Variants in CGNL1 observed in about 807,000 individuals in gnomAD.
The protein encoded by CGNL1 is cingulin like 1.
Under a neutral mutation model 141.2 loss-of-function variants are expected in CGNL1, and 132 were observed. The observed-to-expected ratio is 0.93, with a 90% confidence interval of 0.81 to 1.08. CGNL1 has a LOEUF of 1.08. Ranked by LOEUF, CGNL1 falls within the 50% of genes least tolerant of loss-of-function variation. The pLI is 0.00. For missense variants in CGNL1, 1,870 were observed against 1,588.6 expected (o/e 1.18, Z -3.01); for synonymous variants, 690 against 622.1 (o/e 1.11, Z -1.63).
At chr15:57,474,548 G>A (rs1270958506) in intron 8 of CGNL1, among the ~76,000 whole-genome samples, 2 of 152,176 alleles carry the variant, frequency 1.3e-5, no homozygotes, top group African/African-American at 4.8e-5. Flanking sequence ...ATCAGAATGT[G>A]TAGAGGTAAA....
chr15:57,438,613 T>C lies in CGNL1; in HGVS notation c.614T>C (p.Leu205Ser), dbSNP rs746057292. 44 of 1,613,848 alleles carry C rather than the reference T, an allele frequency of 2.7e-5. No individual in the cohort carries two copies. The highest frequency in any genetic ancestry group is 3.6e-5 in the Non-Finnish European group (42 of 1,180,044). ...PSNSQPTSPS[L>S]EDPAKSGVTA... ...AATTCCCAGCCTACCAGTCCCTCCTTGGAAGACCCGGCCAAATCTGGTGTG... is the reference window on the plus strand; with the variant it reads ...AATTCCCAGCCTACCAGTCCCTCCTCGGAAGACCCGGCCAAATCTGGTGTG... The change falls in exon 2 of 19, where the codon TTG becomes TCG. Residue 205 changes from leucine to serine, a missense_variant. By Grantham distance (145) the Leu-to-Ser change is moderately radical. Transcript: ENST00000281282.
rs2140273964 is a variant in CGNL1, at chr15:57,549,727, G to A, written c.*2237G>A. The A allele has an allele frequency of 6.6e-6, 1 of 152,344 alleles. No individual in the cohort carries two copies. The highest frequency in any genetic ancestry group is 3.4e-3 in the Middle Eastern group (1 of 294). 9.4% of individuals were successfully genotyped at this position (152,344 alleles called of 1,614,324 possible). ...GGAGCTCAGTGTCAGGAAAGGGGGT[G>A]ATAAATGACAATCAAATCGACATGG... On this transcript the variant is annotated 3_prime_UTR_variant, in exon 19 of 19. Transcript: ENST00000281282.
intron 15 of CGNL1, 100 bp from the exon 16 acceptor site, chr15:57,544,373 A>G: frequency 1.4e-6 from 2 of 1,434,528 alleles, no homozygotes; most frequent in South Asian, 2.7e-5. Flanking sequence ...GCCTCATCGC[A>G]TGCAGCGACC....
intron 8 of CGNL1, among the ~76,000 whole-genome samples, chr15:57,479,256 A>T (rs1279479259): frequency 6.6e-6 from 1 of 152,156 alleles, no homozygotes; most frequent in Admixed American, 6.5e-5. Flanking sequence ...GGAGGATGGG[A>T]GTGAAAAACA....
At chr15:57,458,939 A>T (rs1595725980) in intron 7 of CGNL1, among the ~76,000 whole-genome samples, 1 of 152,344 alleles carries the variant, frequency 6.6e-6, no homozygotes, top group African/African-American at 2.4e-5. Flanking sequence ...AGTCTGTGCA[A>T]TGCAGCCCCA....
chr15:57,436,308 G>T (rs2063105240), intron 1 of CGNL1, among the ~76,000 whole-genome samples: 1 of 152,174 alleles, frequency 6.6e-6, no homozygotes, highest in Non-Finnish European at 1.5e-5. Context: ...AGGGATTATT[G>T]TTAGGTGGGG....
chr15:57,386,068 T>G (rs1452538794), intron 1 of CGNL1, among the ~76,000 whole-genome samples: 1 of 152,260 alleles, frequency 6.6e-6, no homozygotes, highest in African/African-American at 2.4e-5. Context: ...GCCTCTGGGT[T>G]TCCCCACAGG....
chr15:57,508,000 G>C (rs1387939515), intron 8 of CGNL1, among the ~76,000 whole-genome samples: 1 of 152,128 alleles, frequency 6.6e-6, no homozygotes, highest in Non-Finnish European at 1.5e-5. Flanking sequence ...AGCGGGATCT[G>C]GTCTAGAATT....
At chr15:57,445,903 C>T (rs1440729186) in intron 4 of CGNL1, among the ~76,000 whole-genome samples, 1 of 152,166 alleles carries the variant, frequency 6.6e-6, no homozygotes, top group Non-Finnish European at 1.5e-5. Flanking sequence ...TATTCATACT[C>T]AGATCAGAGA....
At position 57,547,579 on chromosome 15, in the gene CGNL1, C is replaced by T; in HGVS notation, c.*89C>T. On this transcript the variant is annotated 3_prime_UTR_variant, in exon 19 of 19. Transcript: ENST00000281282. The stretch of plus-strand genomic sequence containing the variant: ...AGGCAGGGAGGGGAGCATCTGTCTG[C>T]CACTGAGACCAATCACAGCCTCTTT... 4.2e-6 allele frequency: 6 copies of T among 1,444,294 alleles called. No individual in the cohort carries two copies. The South Asian group carries it at 7.8e-5, about 19-fold the overall frequency. The allele number at this position is 1,444,294 out of a possible 1,614,324, so 89.5% of individuals were successfully genotyped here.
At chr15:57,434,083 CA>C (rs1182606667) in intron 1 of CGNL1, among the ~76,000 whole-genome samples, 10 of 151,036 alleles carry the variant, frequency 6.6e-5, no homozygotes, top group African/African-American at 2.4e-4. Context: ...AAGTAGGGGC[CA>C]AAACAGGAAA....
intron 10 of CGNL1, among the ~76,000 whole-genome samples, chr15:57,522,675 G>C (rs1356504818): frequency 6.6e-6 from 1 of 152,164 alleles, no homozygotes; most frequent in African/African-American, 2.4e-5. Context: ...TAATATTTTA[G>C]GATTTTATTC....
chr15:57,463,630 C>T (rs1156959961), intron 8 of CGNL1, among the ~76,000 whole-genome samples: 1 of 152,220 alleles, frequency 6.6e-6, no homozygotes, highest in East Asian at 1.9e-4. Flanking sequence ...AGCAACTTTC[C>T]TTACAAAACC....
intron 8 of CGNL1, among the ~76,000 whole-genome samples, chr15:57,476,568 T>C (rs1363498729): frequency 6.6e-6 from 1 of 152,136 alleles, no homozygotes; most frequent in East Asian, 1.9e-4. Context: ...ACCATCAGAG[T>C]AGTAGGCGGC....
chr15:57,543,131 A>T (rs565278864), intron 14 of CGNL1, among the ~76,000 whole-genome samples: 62 of 152,274 alleles, frequency 4.1e-4, no homozygotes, highest in African/African-American at 1.4e-3. Flanking sequence ...CCAGTAGGGA[A>T]ATGATTCCTT....
chr15:57,390,329 C>T (rs150835302), intron 1 of CGNL1, among the ~76,000 whole-genome samples: 19 of 152,338 alleles, frequency 1.2e-4, no homozygotes, highest in African/African-American at 4.6e-4. Flanking sequence ...GGGCAGATTA[C>T]AGAGGCATAA....
Position 57,408,802 on chromosome 15 carries a change from G to A in CGNL1, c.-15-29183G>A, listed in dbSNP as rs182132814. ...TGTAATCCCAGCACTTTGGGAGGCC[G>A]AGGCAGCGGGATGGATCACTTGAGG... is the stretch of plus-strand genomic sequence containing the variant. On this transcript the variant is annotated intron_variant, in intron 1 of 18. Transcript: ENST00000281282. Among the ~76,000 whole-genome samples, 836 of 152,226 alleles carry A rather than the reference G, an allele frequency of 5.5e-3. 2 individuals are homozygous for A. Among genetic ancestry groups the A allele is most frequent in the Non-Finnish European group, 8.9e-3 (602 of 68,020 alleles).
Position 57,543,655 on chromosome 15 carries a change from C to G in CGNL1, c.3292-41C>G, listed in dbSNP as rs1200539306. On this transcript the variant is annotated intron_variant, in intron 14 of 18. Coordinates refer to ENST00000281282, the MANE Select transcript of CGNL1 (RefSeq NM_032866.5). Reference sequence around the variant, plus strand: ...CATTTCAGTACAAAAGATACAGGAACAGTCCTTCTAACCTCTGGGCTTTTG... The same window carrying G: ...CATTTCAGTACAAAAGATACAGGAAGAGTCCTTCTAACCTCTGGGCTTTTG... 3.3e-6 allele frequency: 5 copies of G among 1,515,406 alleles called. No individual in the cohort carries two copies. The East Asian group carries it at 1.1e-4, about 34-fold the overall frequency. 93.9% of individuals were successfully genotyped at this position (1,515,406 alleles called of 1,614,324 possible). A position where few individuals can be genotyped will look rare whatever the true frequency, so the allele number is the denominator to read the frequency against.
intron 8 of CGNL1, among the ~76,000 whole-genome samples, chr15:57,506,749 T>G (rs2064108862): frequency 6.6e-6 from 1 of 152,196 alleles, no homozygotes; most frequent in African/African-American, 2.4e-5. Flanking sequence ...CCTTAATGTA[T>G]TGTGGTCATT....
Sources: allele counts gnomAD v4.1 joint callset (sites outside exome capture counted in the v4.1 genomes callset), GRCh38; gene constraint gnomAD v4.1.1; transcripts MANE v1.5; gene names NCBI Gene and HGNC (gene_info 2026-07-23, HGNC 2026-07-21).